Variants in HYCC1 observed in about 807,000 individuals in gnomAD.
HYCC1 encodes the protein hyccin.
chr7:22,979,782 G>C, the HYCC1 span, among the ~76,000 whole-genome samples: 198 of 152,080 alleles, frequency 1.3e-3, no homozygotes, highest in African/African-American at 4.6e-3. Context: ...TACTCAAAAG[G>C]CTTTATAACC....
chr7:22,975,889 T>A, the HYCC1 span, among the ~76,000 whole-genome samples: 1 of 152,208 alleles, frequency 6.6e-6, no homozygotes, highest in Non-Finnish European at 1.5e-5. Flanking sequence ...GCTGATTTTT[T>A]AAAATTTGTT....
the HYCC1 span, chr7:23,014,052 G>C: frequency 4.2e-6 from 2 of 470,934 alleles, no homozygotes; most frequent in Non-Finnish European, 8.8e-6. Context: ...AGCAGAACGG[G>C]TCCCGGTGAG....
chr7:22,902,571 A>C, the HYCC1 span, among the ~76,000 whole-genome samples: 4 of 152,128 alleles, frequency 2.6e-5, no homozygotes, highest in Non-Finnish European at 4.4e-5. Context: ...TGGCCTTAGC[A>C]AACGGTAGAT....
the HYCC1 span, among the ~76,000 whole-genome samples, chr7:22,989,652 C>G: frequency 9.2e-5 from 14 of 152,140 alleles, no homozygotes; most frequent in Non-Finnish European, 2.1e-4. Flanking sequence ...GCCACCTCAT[C>G]TGGCCACAAG....
the HYCC1 span, among the ~76,000 whole-genome samples, chr7:22,972,204 T>A: frequency 1.3e-5 from 2 of 152,136 alleles, no homozygotes; most frequent in Non-Finnish European, 2.9e-5. Context: ...CTGCATTAAG[T>A]GCTTTATATT....
At chr7:22,940,269 T>G in the HYCC1 span, 1 of 96,076 alleles carries the variant, frequency 1.0e-5, no homozygotes. Flanking sequence ...TTTTTTTTTT[T>G]GAGATAGAGT....
the HYCC1 span, among the ~76,000 whole-genome samples, chr7:22,981,276 T>C: frequency 6.6e-6 from 1 of 152,204 alleles, no homozygotes; most frequent in African/African-American, 2.4e-5. Flanking sequence ...AAATATTTAT[T>C]AAATGAATAA....
At chr7:22,992,655 G>A in the HYCC1 span, among the ~76,000 whole-genome samples, 6 of 152,038 alleles carry the variant, frequency 3.9e-5, no homozygotes, top group Non-Finnish European at 7.4e-5. Flanking sequence ...CTGTCTGCCT[G>A]TATCTACTTT....
At chr7:22,952,503 G>A in the HYCC1 span, among the ~76,000 whole-genome samples, 1 of 151,992 alleles carries the variant, frequency 6.6e-6, no homozygotes, top group Non-Finnish European at 1.5e-5. Context: ...ATGAACCAGG[G>A]TGAGAGTGGT....
chr7:22,946,101 A>G, the HYCC1 span: 2 of 1,613,288 alleles, frequency 1.2e-6, no homozygotes, highest in Admixed American at 3.3e-5. Flanking sequence ...GCCCTGGAAT[A>G]AAATCCCTCG....
At chr7:22,955,050 T>C in the HYCC1 span, among the ~76,000 whole-genome samples, 12 of 151,694 alleles carry the variant, frequency 7.9e-5, no homozygotes, top group South Asian at 1.9e-3. Flanking sequence ...AATAGTGATA[T>C]ACACGTTAGA....
the HYCC1 span, among the ~76,000 whole-genome samples, chr7:23,008,869 A>T: frequency 3.9e-3 from 595 of 152,142 alleles, 3 homozygotes; most frequent in Non-Finnish European, 4.3e-3. Context: ...AAATTTTTTT[A>T]AAAACTGTGA....
the HYCC1 span, chr7:23,013,842 G>T: frequency 2.7e-5 from 12 of 436,614 alleles, no homozygotes; most frequent in Admixed American, 2.2e-4. Flanking sequence ...CCGCCGCCTC[G>T]CCCCGGCTCC....
chr7:22,959,204 A>T, the HYCC1 span, among the ~76,000 whole-genome samples: 1 of 152,162 alleles, frequency 6.6e-6, no homozygotes, highest in African/African-American at 2.4e-5. Context: ...TAAAAACACC[A>T]AAAATGATCA....
At chr7:22,925,574 G>C in the HYCC1 span, among the ~76,000 whole-genome samples, 2 of 152,150 alleles carry the variant, frequency 1.3e-5, no homozygotes, top group African/African-American at 2.4e-5. Flanking sequence ...CTGGAAGAAA[G>C]GGTATCAGTG....
chr7:22,978,259 A>C, the HYCC1 span: 2 of 1,613,124 alleles, frequency 1.2e-6, no homozygotes, highest in Non-Finnish European at 1.7e-6. Flanking sequence ...TAACTCCATT[A>C]AATACAAACC....
the HYCC1 span, among the ~76,000 whole-genome samples, chr7:23,013,661 C>T: frequency 6.8e-6 from 1 of 147,234 alleles, no homozygotes; most frequent in South Asian, 2.2e-4. Context: ...CTCCAGGCAG[C>T]GGGCAGGCTG....
At chr7:23,004,149 G>GT in the HYCC1 span, among the ~76,000 whole-genome samples, 1 of 152,190 alleles carries the variant, frequency 6.6e-6, no homozygotes, top group African/African-American at 2.4e-5. Context: ...TAACCTAGAC[G>GT]TTGTTTTGTA....
chr7:22,945,284 A>G, the HYCC1 span: 1 of 429,956 alleles, frequency 2.3e-6, no homozygotes, highest in Non-Finnish European at 4.3e-6. Context: ...GACATAACCA[A>G]CTTGATTAGA....
Sources: gnomAD v4.1 joint callset for allele counts (sites outside exome capture counted in the v4.1 genomes callset) on GRCh38, gnomAD v4.1.1 for gene constraint, MANE v1.5 for transcripts, NCBI Gene and HGNC (gene_info 2026-07-23, HGNC 2026-07-21) for gene names.